Variants in SMYD3 observed in about 807,000 individuals in gnomAD.
SMYD3 encodes the protein histone-lysine N-methyltransferase SMYD3.
SMYD3 carries 36 observed loss-of-function variants against 57.7 expected under a neutral mutation model. The ratio of observed to expected loss-of-function variants is 0.62; its 90% CI spans 0.48 to 0.82. SMYD3 has a LOEUF of 0.82. Ranked by LOEUF, SMYD3 falls within the 40% of genes least tolerant of loss-of-function variation. The pLI is 0.00. For missense variants in SMYD3, 515 were observed against 538.8 expected, an observed-to-expected ratio of 0.96 and a Z score of 0.44; for synonymous variants, 211 against 195.0, an observed-to-expected ratio of 1.08 and a Z score of -0.68.
intron 5 of SMYD3, among the ~76,000 whole-genome samples, chr1:246,066,018 T>C (rs1294735321): frequency 6.6e-6 from 1 of 152,202 alleles, no homozygotes; most frequent in Admixed American, 6.5e-5. Context: ...ATTTGCCTTA[T>C]AAAATTTCTA....
At chr1:246,023,807 CTGTGTGTGTGTG>C (rs201726897) in intron 5 of SMYD3, among the ~76,000 whole-genome samples, 52 of 139,612 alleles carry the variant, frequency 3.7e-4, no homozygotes, top group African/African-American at 1.2e-3. Context: ...TATTACAAAA[CTGTGTGTGTGTG>C]TGTGTGTGTG....
intron 10 of SMYD3, among the ~76,000 whole-genome samples, chr1:245,856,734 C>T (rs979180453): frequency 1.3e-5 from 2 of 152,112 alleles, no homozygotes; most frequent in African/African-American, 2.4e-5. Context: ...AAGAGTGGCC[C>T]GAGCAGGGCA....
At chr1:246,041,641 C>T (rs7522528) in intron 5 of SMYD3, among the ~76,000 whole-genome samples, 82,378 of 151,880 alleles carry the variant, frequency 0.54, 25,899 homozygotes, top group East Asian at 0.96. Flanking sequence ...AAGTAGGTAA[C>T]GCTAAAGGAA....
chr1:246,424,409 CA>C (rs2067188028), intron 1 of SMYD3, among the ~76,000 whole-genome samples: 1 of 151,568 alleles, frequency 6.6e-6, no homozygotes, highest in Non-Finnish European at 1.5e-5. Context: ...ACAAAAACAA[CA>C]AAAATAAATT....
At chr1:246,075,232 T>C (rs1558205324) in intron 5 of SMYD3, among the ~76,000 whole-genome samples, 1 of 151,912 alleles carries the variant, frequency 6.6e-6, no homozygotes, top group East Asian at 1.9e-4. Context: ...AAATGTGATA[T>C]GAATAAAATG....
At chr1:246,493,330 G>A (rs1013511628) in intron 1 of SMYD3, among the ~76,000 whole-genome samples, 4 of 151,990 alleles carry the variant, frequency 2.6e-5, no homozygotes, top group Non-Finnish European at 4.4e-5. Flanking sequence ...AAAGAAAGAG[G>A]AGTAGGAGGA....
chr1:245,761,539 A>G (rs2045842837), intron 11 of SMYD3, among the ~76,000 whole-genome samples: 1 of 152,160 alleles, frequency 6.6e-6, no homozygotes, highest in South Asian at 2.1e-4. Flanking sequence ...ATGCAATAGC[A>G]ATGACTAAAG....
chr1:246,168,481 A>C (rs2062261576), intron 5 of SMYD3, among the ~76,000 whole-genome samples: 1 of 152,216 alleles, frequency 6.6e-6, no homozygotes, highest in Non-Finnish European at 1.5e-5. Context: ...CTACTTTTGC[A>C]AAGGAGGCAG....
At chr1:246,436,169 A>G (rs1236779737) in intron 1 of SMYD3, among the ~76,000 whole-genome samples, 1 of 148,122 alleles carries the variant, frequency 6.8e-6, no homozygotes, top group Admixed American at 7.0e-5. Flanking sequence ...GAGAAAAACT[A>G]TGAACCATTC....
chr1:245,998,939 G>A (rs2058983704), intron 5 of SMYD3, among the ~76,000 whole-genome samples: 1 of 152,156 alleles, frequency 6.6e-6, no homozygotes, highest in Non-Finnish European at 1.5e-5. Context: ...GAGGTTCTGA[G>A]AGTAGTCAAA....
chr1:245,882,592 G>A (rs2052846885), intron 8 of SMYD3, among the ~76,000 whole-genome samples: 1 of 152,082 alleles, frequency 6.6e-6, no homozygotes, highest in Non-Finnish European at 1.5e-5. Flanking sequence ...ACAATTTAAT[G>A]ACTACAAAAT....
At chr1:246,011,798 C>G (rs2059286956) in intron 5 of SMYD3, among the ~76,000 whole-genome samples, 2 of 152,196 alleles carry the variant, frequency 1.3e-5, no homozygotes, top group Admixed American at 6.5e-5. Context: ...CCTTATCTTG[C>G]TAAGTTTACG....
chr1:245,881,992 T>C (rs1343184904), intron 8 of SMYD3, among the ~76,000 whole-genome samples: 5 of 152,184 alleles, frequency 3.3e-5, no homozygotes, highest in South Asian at 2.1e-4. Flanking sequence ...GCTGGTCTTG[T>C]TGGGGAAGCT....
At chr1:245,983,074 C>A (rs1639104792) in intron 5 of SMYD3, among the ~76,000 whole-genome samples, 1 of 152,178 alleles carries the variant, frequency 6.6e-6, no homozygotes, top group Admixed American at 6.5e-5. Flanking sequence ...TAGATGACTT[C>A]CAACGTGATC....
At chr1:246,147,271 G>C (rs1468634432) in intron 5 of SMYD3, among the ~76,000 whole-genome samples, 1 of 152,062 alleles carries the variant, frequency 6.6e-6, no homozygotes, top group Non-Finnish European at 1.5e-5. Context: ...CAGCAGCTTC[G>C]ATATTTATTG....
chr1:245,806,828 T>G (rs1001456221), intron 10 of SMYD3, among the ~76,000 whole-genome samples: 38 of 138,860 alleles, frequency 2.7e-4, no homozygotes, highest in African/African-American at 3.6e-4. Context: ...GAGAATGGCG[T>G]GAACCCGGGA....
At chr1:246,351,735 G>A (rs565655500) in intron 2 of SMYD3, among the ~76,000 whole-genome samples, 52 of 152,292 alleles carry the variant, frequency 3.4e-4, no homozygotes, top group Admixed American at 2.6e-3. Flanking sequence ...AAAAACAGAA[G>A]TAGAAGCGGG....
At position 246,127,950 on chromosome 1, in the gene SMYD3, T is replaced by C. The variant is rs144875298; in HGVS notation, c.532-198013A>G. ...AATACGAAAAGGAGAGGAGATTATA[T>C]AGCTAAAATGAGTGTAAACATAGAT... On this transcript the variant is annotated intron_variant, in intron 5 of 11. Coordinates refer to ENST00000490107, the MANE Select transcript of SMYD3 (RefSeq NM_001167740.2). Among the ~76,000 whole-genome samples the C allele has an allele frequency of 1.9e-3, 286 of 151,882 alleles. 4 individuals are homozygous for C. The highest frequency in any genetic ancestry group is 6.4e-3 in the African/African-American group (265 of 41,284).
chr1:245,829,242 A>G (rs556342229), intron 10 of SMYD3, among the ~76,000 whole-genome samples: 1 of 152,266 alleles, frequency 6.6e-6, no homozygotes, highest in African/African-American at 2.4e-5. Flanking sequence ...GGGATTAAAT[A>G]ATGGAAGTAT....
Sources: gnomAD v4.1 joint callset for allele counts (sites outside exome capture counted in the v4.1 genomes callset) on GRCh38, gnomAD v4.1.1 for gene constraint, MANE v1.5 for transcripts, NCBI Gene and HGNC (gene_info 2026-07-23, HGNC 2026-07-21) for gene names.